Variants in FUBP1 observed in about 807,000 individuals in gnomAD.
FUBP1 encodes the protein far upstream element-binding protein 1.
Under a neutral mutation model 94.9 loss-of-function variants are expected in FUBP1, and 16 were observed. The observed-to-expected ratio is 0.17, with a 90% CI of 0.11 to 0.26. The LOEUF (loss-of-function observed/expected upper bound fraction) is 0.26, where lower values mean the gene tolerates loss of function less well. Ranked by LOEUF, FUBP1 falls within the 10% of genes least tolerant of loss-of-function variation. The probability of loss-of-function intolerance (pLI) is 1.00; values close to 1 mark genes in which losing one functional copy is unlikely to be tolerated. For missense variants in FUBP1, 583 were observed against 808.6 expected (o/e 0.72, Z 3.38); for synonymous variants, 279 against 254.9 (o/e 1.09, Z -0.90).
At chr1:77,952,518 C>A (rs1208095978) in intron 18 of FUBP1, among the ~76,000 whole-genome samples, 1 of 152,062 alleles carries the variant, frequency 6.6e-6, no homozygotes, top group East Asian at 1.9e-4. Flanking sequence ...GATGGGGAAT[C>A]AGGAAATCTG....
In FUBP1 at chr1:77,948,332, A is replaced by C; in HGVS notation, c.*434T>G. On this transcript the variant is annotated 3_prime_UTR_variant, in exon 20 of 20. Coordinates refer to ENST00000370768, the MANE Select transcript of FUBP1 (RefSeq NM_003902.5). ...GGGGAAAGCTTATATATTTGTGTAT[A>C]TGTATCTTAATTTATCATTGCTAAG... 9.5e-7 allele frequency: 1 copy of C among 1,050,620 alleles called. No individual in the cohort carries two copies. Among genetic ancestry groups the C allele is most frequent in the Middle Eastern group, 4.3e-4 (1 of 2,348 alleles). 65.1% of individuals were successfully genotyped at this position (1,050,620 alleles called of 1,614,324 possible).
At chr1:77,959,600 A>G (rs948009637) in intron 16 of FUBP1, among the ~76,000 whole-genome samples, 1 of 152,108 alleles carries the variant, frequency 6.6e-6, no homozygotes, top group Non-Finnish European at 1.5e-5. Flanking sequence ...GGGGAGTGCA[A>G]TGGTGTGCCC....
intron 1 of FUBP1, among the ~76,000 whole-genome samples, chr1:77,972,924 A>AC (rs1657853693): frequency 1.3e-5 from 2 of 151,746 alleles, no homozygotes; most frequent in South Asian, 4.2e-4. Flanking sequence ...GCTCAGTGGC[A>AC]CCTGCAGCCC....
At position 77,944,784 on chromosome 1, in the gene FUBP1, T is replaced by C. The variant is rs1014881079; in HGVS notation, c.*3982A>G. Reference sequence around the variant, plus strand: ...CTACCAAGATAATTTGTTTAAAAGATATATTTTACAATGTTTATAAACAAC... The same window carrying C: ...CTACCAAGATAATTTGTTTAAAAGACATATTTTACAATGTTTATAAACAAC... On this transcript the variant is annotated 3_prime_UTR_variant, in exon 20 of 20. Coordinates refer to ENST00000370768, the MANE Select transcript of FUBP1 (RefSeq NM_003902.5). Among the ~76,000 whole-genome samples, 1 of 151,984 alleles carries C rather than the reference T, an allele frequency of 6.6e-6. No individual in the cohort carries two copies. Among genetic ancestry groups the C allele is most frequent in the African/African-American group, 2.4e-5 (1 of 41,442 alleles).
At chr1:77,970,145 A>G in intron 1 of FUBP1, 130 bp from the exon 2 acceptor site, 1 of 456,048 alleles carries the variant, frequency 2.2e-6, no homozygotes. Flanking sequence ...TACTTGAAAA[A>G]TTAAAATTAT....
chr1:77,959,314 A>G (rs993861866), intron 16 of FUBP1, among the ~76,000 whole-genome samples: 4 of 152,180 alleles, frequency 2.6e-5, no homozygotes, highest in Non-Finnish European at 4.4e-5. Context: ...CAGGGTATGG[A>G]AAGATGCCAG....
At chr1:77,951,377 T>C (rs1571226783) in intron 18 of FUBP1, among the ~76,000 whole-genome samples, 2 of 152,220 alleles carry the variant, frequency 1.3e-5, no homozygotes, top group Admixed American at 6.5e-5. Flanking sequence ...GTTGGTAATA[T>C]TTGACACTCC....
intron 4 of FUBP1, 35 bp downstream of exon 4, chr1:77,967,592 T>G: frequency 2.6e-6 from 4 of 1,542,316 alleles, no homozygotes; most frequent in Non-Finnish European, 3.6e-6. Flanking sequence ...CAACCAAAAC[T>G]TGCAGAGTAC....
At chr1:77,977,879 C>T (rs558435697) in intron 1 of FUBP1, among the ~76,000 whole-genome samples, 1 of 152,302 alleles carries the variant, frequency 6.6e-6, no homozygotes, top group Admixed American at 6.5e-5. Context: ...AATTTTGACT[C>T]AATGTTCCTT....
chr1:77,958,958 C>T lies in FUBP1; in HGVS notation c.1576+1226G>A, dbSNP rs569351372. On this transcript the variant is annotated intron_variant, in intron 16 of 19. Transcript: ENST00000370768. Reference sequence around the variant, plus strand: ...GAGCCCCTTCCATCAGTGTTGCTTACGCTGGGAGTGCATTCTTTTGCTATA... The same window carrying T: ...GAGCCCCTTCCATCAGTGTTGCTTATGCTGGGAGTGCATTCTTTTGCTATA... Among the ~76,000 whole-genome samples, 15 of 152,262 alleles carry T rather than the reference C, an allele frequency of 9.9e-5. No individual in the cohort carries two copies. The South Asian group carries it at 2.3e-3, about 23-fold the overall frequency.
intron 1 of FUBP1, among the ~76,000 whole-genome samples, chr1:77,975,440 A>G (rs1396590674): frequency 6.6e-6 from 1 of 152,244 alleles, no homozygotes; most frequent in Non-Finnish European, 1.5e-5. Context: ...GCTCTAGTCT[A>G]TATTTTCATT....
At chr1:77,963,830 G>A in intron 12 of FUBP1, 115 bp from the exon 13 acceptor site, 1 of 846,270 alleles carries the variant, frequency 1.2e-6, no homozygotes, top group South Asian at 1.8e-5. Flanking sequence ...GAAATGTAGA[G>A]ATGAACTGGC....
chr1:77,968,165 A>T lies in FUBP1; in HGVS notation c.250T>A (p.Ser84Thr). 1 of 1,520,640 alleles carries T rather than the reference A, an allele frequency of 6.6e-7. No homozygotes were observed. The highest frequency in any genetic ancestry group is 8.8e-7 in the Non-Finnish European group (1 of 1,134,476). 94.2% of individuals were successfully genotyped at this position (1,520,640 alleles called of 1,614,324 possible). A position where few individuals can be genotyped will look rare whatever the true frequency, so the allele number is the denominator to read the frequency against. The change falls in exon 3 of 20, where the codon TCT becomes ACT. Residue 84 changes from serine (S) to threonine (T), a missense_variant and splice_region_variant. Ser to Thr is a moderately conservative substitution (Grantham distance 58). Coordinates refer to ENST00000370768, the MANE Select transcript of FUBP1 (RefSeq NM_003902.5). ...DAKKVAPQNDSFGTQLPPMHQ... is the reference protein window; with the variant it reads ...DAKKVAPQNDTFGTQLPPMHQ... ...GACCCAGTTTAAAAGGAATACTTAC[A>T]GTCATTTTGAGGAGCAACTTTCTTA...
Position 77,948,793 on chromosome 1 carries a change from TAAGA to T in FUBP1, c.1927-23_1927-20del, listed in dbSNP as rs760630848. The T allele has an allele frequency of 6.2e-7, 1 of 1,606,334 alleles. No individual in the cohort carries two copies. Among genetic ancestry groups the T allele is most frequent in the Non-Finnish European group, 8.5e-7 (1 of 1,173,242 alleles). On this transcript the variant is annotated intron_variant, in intron 19 of 19. Transcript: ENST00000370768. ...ATTGGCCCTGTGCAGAAGAGATACA[TAAGA>T]AATACACAAAAAGTTAAAGAAAATC...
At chr1:77,965,300 A>G in intron 7 of FUBP1, 69 bp from the exon 8 acceptor site, 1 of 1,074,418 alleles carries the variant, frequency 9.3e-7, no homozygotes, top group Non-Finnish European at 1.4e-6. Context: ...GAGAAATATA[A>G]AACAATATAA....
At chr1:77,959,380 C>G (rs911054502) in intron 16 of FUBP1, among the ~76,000 whole-genome samples, 2 of 151,960 alleles carry the variant, frequency 1.3e-5, no homozygotes, top group South Asian at 4.1e-4. Context: ...CGTATTTGGG[C>G]TTTAGCATGC....
intron 1 of FUBP1, among the ~76,000 whole-genome samples, chr1:77,973,307 G>A (rs1396662356): frequency 1.3e-5 from 2 of 152,076 alleles, no homozygotes; most frequent in Admixed American, 6.5e-5. Context: ...GTGCAGTGGC[G>A]TGATCTGGGC....
At chr1:77,963,522 G>C in intron 13 of FUBP1, 52 bp downstream of exon 13, 1 of 1,060,684 alleles carries the variant, frequency 9.4e-7, no homozygotes, top group Non-Finnish European at 1.4e-6. Context: ...AACAGAAAGT[G>C]TCCAGAAAAA....
Position 77,948,366 on chromosome 1 carries a change from A to C in FUBP1, c.*400T>G. 4.7e-6 allele frequency: 5 copies of C among 1,058,208 alleles called. No homozygotes were observed. Among genetic ancestry groups the C allele is most frequent in the Non-Finnish European group, 4.6e-6 (4 of 870,642 alleles). 65.6% of individuals were successfully genotyped at this position (1,058,208 alleles called of 1,614,324 possible). On this transcript the variant is annotated 3_prime_UTR_variant, in exon 20 of 20. Transcript: ENST00000370768. The stretch of plus-strand genomic sequence containing the variant: ...AATTTATCATTGCTAAGAAATTATG[A>C]ATCCTTTAAATACCCACATATCCAA...
Sources: gnomAD v4.1 joint callset for allele counts (sites outside exome capture counted in the v4.1 genomes callset) on GRCh38, gnomAD v4.1.1 for gene constraint, MANE v1.5 for transcripts, NCBI Gene and HGNC (gene_info 2026-07-23, HGNC 2026-07-21) for gene names.